The following HPD variants were observed in gnomAD, a reference collection of about 807,000 sequenced individuals.
The protein encoded by HPD is 4-hydroxyphenylpyruvate dioxygenase.
In HPD, 35 loss-of-function variants were observed where a neutral mutation model predicts 56.9. That is an observed-to-expected ratio of 0.62 (90% CI 0.47 to 0.82). The LOEUF (loss-of-function observed/expected upper bound fraction) is 0.82, where lower values mean the gene tolerates loss of function less well. HPD is among the 40% of genes least tolerant of loss of function. The probability of loss-of-function intolerance (pLI) is 0.00; values close to 1 mark genes in which losing one functional copy is unlikely to be tolerated. For synonymous variants in HPD, 186 were observed against 200.2 expected, an observed-to-expected ratio of 0.93 and a Z score of 0.60; for missense variants, 442 against 506.8, an observed-to-expected ratio of 0.87 and a Z score of 1.23.
chr12:121,855,027 G>C (rs1329423122), intron 6 of HPD, among the ~76,000 whole-genome samples: 2 of 152,118 alleles, frequency 1.3e-5, no homozygotes, highest in Non-Finnish European at 2.9e-5. Flanking sequence ...AACTAGGTAG[G>C]GATGGGTGTC....
upstream of HPD, among the ~76,000 whole-genome samples, chr12:121,862,810 A>G (rs975978685): frequency 6.9e-6 from 1 of 144,760 alleles, no homozygotes; most frequent in African/African-American, 2.6e-5. Flanking sequence ...CCTCCGGAGT[A>G]GCTGGGAATA....
chr12:121,855,937 T>C (rs1592922835), intron 6 of HPD, among the ~76,000 whole-genome samples: 1 of 114,258 alleles, frequency 8.8e-6, no homozygotes, highest in Non-Finnish European at 1.6e-5. Context: ...GCCATTGCAC[T>C]CCAACCTGGG....
At chr12:121,871,921 T>TC in the HPD span, among the ~76,000 whole-genome samples, 1 of 151,620 alleles carries the variant, frequency 6.6e-6, no homozygotes, top group Non-Finnish European at 1.5e-5. Flanking sequence ...TTCTTTTCTC[T>TC]CTTTTTTTTC....
At chr12:121,869,609 C>G in the HPD span, among the ~76,000 whole-genome samples, 1 of 151,252 alleles carries the variant, frequency 6.6e-6, no homozygotes, top group Admixed American at 6.6e-5. Context: ...ACTGCAACCT[C>G]TGCCTCCTGG....
intron 6 of HPD, 83 bp downstream of exon 6, chr12:121,856,241 C>G (rs749928133): frequency 8.6e-5 from 86 of 1,004,396 alleles, no homozygotes; most frequent in Middle Eastern, 4.1e-4. Context: ...TGTGATGCAG[C>G]AGTGTCCTTC....
At chr12:121,868,139 T>C (rs1878372452), upstream of HPD, among the ~76,000 whole-genome samples, 1 of 152,030 alleles carries the variant, frequency 6.6e-6, no homozygotes, top group Non-Finnish European at 1.5e-5. Flanking sequence ...CAATGATCAC[T>C]TCACTGCACT....
Position 121,843,732 on chromosome 12 carries a change from T to A in HPD, c.932A>T (p.Lys311Met), listed in dbSNP as rs775570082. ...CACCTCCAGGGCATCAATGTTCTCC[T>A]TCACCTTGATCTTGGCCGTCTTCAG... ...EKLKTAKIKV[K>M]ENIDALEELK... is the part of the protein sequence containing the mutation. The change falls in exon 12 of 14, where the codon AAG becomes ATG. Residue 311 changes from lysine to methionine, a missense_variant. Transcript: ENST00000289004. 1 of 1,614,014 alleles carries A rather than the reference T, an allele frequency of 6.2e-7. No homozygotes were observed. Among genetic ancestry groups the A allele is most frequent in the Non-Finnish European group, 8.5e-7 (1 of 1,180,020 alleles).
At position 121,854,786 on chromosome 12, in the gene HPD, G is replaced by T; in HGVS notation, c.331C>A (p.Arg111=). The change falls in exon 7 of 14, where the codon CGG becomes AGG. Residue 111 remains arginine (R), a synonymous_variant. Coordinates refer to ENST00000289004, the MANE Select transcript of HPD (RefSeq NM_002150.3). ...CGCATGATTTTGGCGCCCCGTTCCC[G>T]TGCTTTCTGCAGAGAAGATGGGATC... The part of the protein sequence containing the change: ...EDCDYIVQKA[R]ERGAKIMREP... 6.2e-7 allele frequency: 1 copy of T among 1,613,420 alleles called. No homozygotes were observed. The highest frequency in any genetic ancestry group is 1.1e-5 in the South Asian group (1 of 91,070).
upstream of HPD, among the ~76,000 whole-genome samples, chr12:121,863,241 C>T (rs909635058): frequency 2.6e-5 from 4 of 152,202 alleles, no homozygotes; most frequent in Non-Finnish European, 5.9e-5. Flanking sequence ...GCCTCGGCCT[C>T]CCAAAGTGCT....
chr12:121,862,672 A>G (rs1425804041), upstream of HPD, among the ~76,000 whole-genome samples: 52 of 79,150 alleles, frequency 6.6e-4, no homozygotes, highest in Non-Finnish European at 1.1e-3. Context: ...CAGTGGCGTG[A>G]TCTTGGCATC....
chr12:121,849,952 C>T, intron 7 of HPD, 162 bp from the exon 8 acceptor site: 1 of 661,992 alleles, frequency 1.5e-6, no homozygotes, highest in Non-Finnish European at 2.8e-6. Context: ...AAATGAATTG[C>T]AATCTGTCAC....
At chr12:121,888,112 G>A in the HPD span, among the ~76,000 whole-genome samples, 1 of 152,106 alleles carries the variant, frequency 6.6e-6, no homozygotes, top group African/African-American at 2.4e-5. Flanking sequence ...AACAGCGTCT[G>A]GCACATTATA....
the HPD span, among the ~76,000 whole-genome samples, chr12:121,884,103 G>A: frequency 6.6e-6 from 1 of 151,550 alleles, no homozygotes; most frequent in African/African-American, 2.4e-5. Context: ...TTTTAAAGCC[G>A]CTGTTTCTCA....
intron 11 of HPD, among the ~76,000 whole-genome samples, chr12:121,845,692 TC>T (rs1412829117): frequency 6.6e-6 from 1 of 151,190 alleles, no homozygotes; most frequent in Non-Finnish European, 1.5e-5. Context: ...TGCCTCGGCC[TC>T]CCACAGTGTC....
chr12:121,858,803 G>C lies in HPD; in HGVS notation c.3+18C>G. The C allele has an allele frequency of 6.2e-7, 1 of 1,614,126 alleles. No homozygotes were observed. The highest frequency in any genetic ancestry group is 1.6e-4 in the Middle Eastern group (1 of 6,062). On this transcript the variant is annotated intron_variant, in intron 1 of 13. Coordinates refer to ENST00000289004, the MANE Select transcript of HPD (RefSeq NM_002150.3). Reference sequence around the variant, plus strand: ...ACTGAAGATGTCCCACCCAAGGGGAGATGGCCATGGCACTTACCATGATTG... The same window carrying C: ...ACTGAAGATGTCCCACCCAAGGGGACATGGCCATGGCACTTACCATGATTG...
In HPD at chr12:121,854,738, T is replaced by G; in HGVS notation, c.379A>C (p.Lys127Gln). The stretch of plus-strand genomic sequence containing the variant: ...ACAGCAAACTTCACCTTCCCAAACT[T>G]GTCTTGCTCTACCCAGGGCTCCCGC... ...IMREPWVEQDKFGKVKFAVLQ... is the reference protein window; with the variant it reads ...IMREPWVEQDQFGKVKFAVLQ... The change falls in exon 7 of 14, where the codon AAG becomes CAG. Residue 127 changes from lysine to glutamine, a missense_variant. Lys to Gln is a moderately conservative substitution (Grantham distance 53). Coordinates refer to ENST00000289004, the MANE Select transcript of HPD (RefSeq NM_002150.3). The G allele has an allele frequency of 1.2e-6, 2 of 1,614,072 alleles. No individual in the cohort carries two copies. Among genetic ancestry groups the G allele is most frequent in the Middle Eastern group, 1.6e-4 (1 of 6,062 alleles).
At position 121,842,147 on chromosome 12, in the gene HPD, C is replaced by T. The variant is rs117940902; in HGVS notation, c.954+1563G>A. Among the ~76,000 whole-genome samples the T allele has an allele frequency of 4.8e-3, 733 of 151,684 alleles. 5 individuals are homozygous for T. The highest frequency in any genetic ancestry group is 8.3e-3 in the Non-Finnish European group (563 of 67,840). Reference sequence around the variant, plus strand: ...TTCTTTTTGGGGTGACAAAAATGTTCTAAAATTGATTTTTTGCCCAGGCTG... The same window carrying T: ...TTCTTTTTGGGGTGACAAAAATGTTTTAAAATTGATTTTTTGCCCAGGCTG... On this transcript the variant is annotated intron_variant, in intron 12 of 13. Transcript: ENST00000289004.
the HPD span, among the ~76,000 whole-genome samples, chr12:121,885,798 A>G: frequency 2.0e-5 from 3 of 151,452 alleles, no homozygotes; most frequent in Non-Finnish European, 4.4e-5. Context: ...CCTTGTCTCT[A>G]CTAAAAATAC....
chr12:121,885,242 G>A, the HPD span, among the ~76,000 whole-genome samples: 1 of 139,942 alleles, frequency 7.1e-6, no homozygotes, highest in Non-Finnish European at 1.5e-5. Flanking sequence ...TTGCTCTGTC[G>A]CCAGGCTGTA....
Sources: gnomAD v4.1 joint callset for allele counts (sites outside exome capture counted in the v4.1 genomes callset) on GRCh38, gnomAD v4.1.1 for gene constraint, MANE v1.5 for transcripts, NCBI Gene and HGNC (gene_info 2026-07-23, HGNC 2026-07-21) for gene names.